BCAS3: variants seen among roughly 807,000 people sequenced by gnomAD.
The protein encoded by BCAS3 is BCAS4/BCAS3 fusion.
BCAS3 carries 53 observed loss-of-function variants against 116.1 expected under a neutral mutation model. The observed-to-expected ratio is 0.46, with a 90% CI of 0.37 to 0.57. The LOEUF (loss-of-function observed/expected upper bound fraction) is 0.57. Ranked by LOEUF, BCAS3 falls within the 20% of genes least tolerant of loss-of-function variation. BCAS3 has a pLI of 0.00. For missense variants in BCAS3, 917 were observed against 1,165.4 expected (o/e 0.79, Z 3.10); for synonymous variants, 391 against 408.2 (o/e 0.96, Z 0.51).
At chr17:60,813,064 A>G (rs1004903118) in intron 7 of BCAS3, among the ~76,000 whole-genome samples, 2 of 152,126 alleles carry the variant, frequency 1.3e-5, no homozygotes, top group African/African-American at 4.8e-5. Context: ...TTCTTATTTT[A>G]TGCATGCAGA....
chr17:60,683,873 C>A (rs1227098936), intron 2 of BCAS3, 109 bp from the exon 3 acceptor site: 16 of 977,456 alleles, frequency 1.6e-5, no homozygotes, highest in Non-Finnish European at 2.4e-5. Flanking sequence ...CCCCAAAAAA[C>A]AAACAACAAC....
At position 61,051,867 on chromosome 17, in the gene BCAS3, A is replaced by G. The variant is rs1225781026; in HGVS notation, c.2029+10975A>G. ...GGGCTAATGTTTATATTATAAAGGG[A>G]AAAGATCTGAAATCAATGACCTCAG... On this transcript the variant is annotated intron_variant, in intron 19 of 23. Transcript: ENST00000407086. This position sits in a 1 kb window ranked among gnomAD's most constrained non-coding sequence, Gnocchi z 4.1. Among the ~76,000 whole-genome samples, 5 of 152,238 alleles carry G rather than the reference A, an allele frequency of 3.3e-5. No homozygotes were observed. The highest frequency in any genetic ancestry group is 4.8e-5 in the African/African-American group (2 of 41,460).
At position 61,028,731 on chromosome 17, in the gene BCAS3, A is replaced by G. The variant is rs2066432856; in HGVS notation, c.1638-5935A>G. Among the ~76,000 whole-genome samples, 1 of 151,958 alleles carries G rather than the reference A, an allele frequency of 6.6e-6. No homozygotes were observed. The highest frequency in any genetic ancestry group is 1.5e-5 in the Non-Finnish European group (1 of 67,832). ...AAGATTAAAAGAGCCAGATTAAAGA[A>G]AGGGATATATTAAATATAGTAGACT... On this transcript the variant is annotated intron_variant, in intron 16 of 23. Transcript: ENST00000407086. This position sits in a 1 kb window ranked among gnomAD's most constrained non-coding sequence, Gnocchi z 4.3.
intron 22 of BCAS3, among the ~76,000 whole-genome samples, chr17:61,350,894 A>G (rs1401432261): frequency 1.3e-5 from 2 of 152,150 alleles, no homozygotes; most frequent in East Asian, 3.9e-4. Flanking sequence ...TCAGCCTCCC[A>G]AAGTGCTAGG....
At chr17:60,858,205 AT>A (rs1259723852) in intron 7 of BCAS3, among the ~76,000 whole-genome samples, 18 of 152,132 alleles carry the variant, frequency 1.2e-4, no homozygotes, top group African/African-American at 4.3e-4. Context: ...CTTATACAAG[AT>A]TCTCTCCCAC....
Position 61,286,777 on chromosome 17 carries a change from A to G in BCAS3, c.2426-81550A>G, listed in dbSNP as rs2051835891. Among the ~76,000 whole-genome samples, 1 of 152,202 alleles carries G rather than the reference A, an allele frequency of 6.6e-6. No homozygotes were observed. ...GGGCTTACCAGAGTGAGAAGTTAGC[A>G]TATTGAGGCAAATTACACTACAGAG... On this transcript the variant is annotated intron_variant, in intron 22 of 23. Coordinates refer to ENST00000407086, the MANE Select transcript of BCAS3 (RefSeq NM_017679.5). This position sits in a 1 kb window ranked among gnomAD's most constrained non-coding sequence, Gnocchi z 4.8.
intron 22 of BCAS3, among the ~76,000 whole-genome samples, chr17:61,330,039 C>T (rs2056133280): frequency 6.6e-6 from 1 of 152,148 alleles, no homozygotes; most frequent in South Asian, 2.1e-4. Context: ...CCAAGTAAAC[C>T]AATGTTGCAG....
rs190713119 is a variant in BCAS3, at chr17:61,327,221, G to T, written c.2426-41106G>T. 6.6e-6 allele frequency among the ~76,000 whole-genome samples: 1 copy of T among 152,214 alleles called. No individual in the cohort carries two copies. Among genetic ancestry groups the T allele is most frequent in the Non-Finnish European group, 1.5e-5 (1 of 68,012 alleles). On this transcript the variant is annotated intron_variant, in intron 22 of 23. Transcript: ENST00000407086. The surrounding 1 kb of genome is among the most constrained non-coding windows in gnomAD (Gnocchi z 5.9). The stretch of plus-strand genomic sequence containing the variant: ...GGGAGGCTGAGGCAGGAGATCACTT[G>T]AACTCAGGAGGTAGAGGTTGCAGTG...
At chr17:60,893,324 A>G (rs2057300574) in intron 10 of BCAS3, among the ~76,000 whole-genome samples, 1 of 152,082 alleles carries the variant, frequency 6.6e-6, no homozygotes, top group Non-Finnish European at 1.5e-5. Context: ...GACAATGTCT[A>G]GAAGAGTTTT....
intron 1 of BCAS3, 66 bp from the exon 2 acceptor site, chr17:60,679,387 C>A: frequency 3.3e-6 from 4 of 1,217,088 alleles, no homozygotes; most frequent in Non-Finnish European, 4.8e-6. Flanking sequence ...CATAAATCTT[C>A]CTCCCTACCC....
In BCAS3 at chr17:61,313,774, A is replaced by G. The variant is rs926480793; in HGVS notation, c.2426-54553A>G. Among the ~76,000 whole-genome samples, 1 of 152,222 alleles carries G rather than the reference A, an allele frequency of 6.6e-6. No individual in the cohort carries two copies. The highest frequency in any genetic ancestry group is 1.5e-5 in the Non-Finnish European group (1 of 68,036). On this transcript the variant is annotated intron_variant, in intron 22 of 23. Transcript: ENST00000407086. The surrounding 1 kb of genome is among the most constrained non-coding windows in gnomAD (Gnocchi z 4.3). The stretch of plus-strand genomic sequence containing the variant: ...AAGCTAATGGTTTGGGTTCCAGGGC[A>G]CAGGATAAAAATATACAACTGGAAA...
intron 22 of BCAS3, among the ~76,000 whole-genome samples, chr17:61,117,296 A>C (rs985079612): frequency 6.6e-6 from 1 of 152,172 alleles, no homozygotes; most frequent in Admixed American, 6.6e-5. Flanking sequence ...TTTCAGTTCT[A>C]AAATTTTCTT....
intron 22 of BCAS3, among the ~76,000 whole-genome samples, chr17:61,267,954 C>T (rs991214452): frequency 2.0e-5 from 3 of 151,990 alleles, no homozygotes; most frequent in South Asian, 2.1e-4. Context: ...CACCCCTCCC[C>T]GAGAAAACTG....
chr17:60,742,625 T>C (rs1382945889), intron 5 of BCAS3, among the ~76,000 whole-genome samples: 1 of 151,200 alleles, frequency 6.6e-6, no homozygotes, highest in Non-Finnish European at 1.5e-5. Flanking sequence ...TAGAGACAGC[T>C]TTTCACCATG....
In BCAS3 at chr17:61,078,537, A is replaced by C; in HGVS notation, c.2327+8A>C. ...TGATCTCAACAGTCTCAGGTAGGAA[A>C]TGAGAATTAGGGAGTGATTTGAACA... On this transcript the variant is annotated splice_region_variant and intron_variant, in intron 21 of 23. Transcript: ENST00000407086. 1 of 1,606,922 alleles carries C rather than the reference A, an allele frequency of 6.2e-7. No individual in the cohort carries two copies. Among genetic ancestry groups the C allele is most frequent in the Non-Finnish European group, 8.5e-7 (1 of 1,174,472 alleles).
rs534940473 is a variant in BCAS3 at position 60,849,509 on chromosome 17, G to C, written c.477-19067G>C. 2.0e-5 allele frequency among the ~76,000 whole-genome samples: 3 copies of C among 151,968 alleles called. No individual in the cohort carries two copies. The East Asian group carries it at 5.8e-4, about 29-fold the overall frequency. On this transcript the variant is annotated intron_variant, in intron 7 of 23. Coordinates refer to ENST00000407086, the MANE Select transcript of BCAS3 (RefSeq NM_017679.5). ...TTTGCTTGAGGATGGTATGTTTTCT[G>C]TATTCTTATGAAGAAAATAAGACTT...
intron 22 of BCAS3, among the ~76,000 whole-genome samples, chr17:61,185,989 A>G (rs998231998): frequency 6.6e-6 from 1 of 152,198 alleles, no homozygotes; most frequent in African/African-American, 2.4e-5. Flanking sequence ...ACTTGTATAC[A>G]CAGAATTTAG....
At position 61,082,801 on chromosome 17, in the gene BCAS3, G is replaced by A. The variant is rs2072738172; in HGVS notation, c.2328-1666G>A. Among the ~76,000 whole-genome samples, 1 of 152,180 alleles carries A rather than the reference G, an allele frequency of 6.6e-6. No individual in the cohort carries two copies. Among genetic ancestry groups the A allele is most frequent in the South Asian group, 2.1e-4 (1 of 4,832 alleles). On this transcript the variant is annotated intron_variant, in intron 21 of 23. Coordinates refer to ENST00000407086, the MANE Select transcript of BCAS3 (RefSeq NM_017679.5). This position sits in a 1 kb window ranked among gnomAD's most constrained non-coding sequence, Gnocchi z 5.1. ...TGGCTTAGAAAAATTAGCTGGGGTG[G>A]AATGAATATTGGGTAGTCCTACATA...
intron 22 of BCAS3, among the ~76,000 whole-genome samples, chr17:61,257,249 A>C (rs1292887774): frequency 6.6e-6 from 1 of 151,922 alleles, no homozygotes; most frequent in African/African-American, 2.4e-5. Context: ...GTGAAACCCC[A>C]TCTCTACTAA....
Sources: allele counts gnomAD v4.1 joint callset (sites outside exome capture counted in the v4.1 genomes callset), GRCh38; gene constraint gnomAD v4.1.1; non-coding constraint Gnocchi (gnomAD v3.1); transcripts MANE v1.5; gene names NCBI Gene and HGNC (gene_info 2026-07-23, HGNC 2026-07-21).